Variants in SRGAP1 observed in about 807,000 individuals in gnomAD.
SRGAP1 encodes the protein SLIT-ROBO Rho GTPase-activating protein 1.
A neutral mutation model predicts 121.9 loss-of-function variants in SRGAP1; 43 were observed. That is an observed-to-expected ratio of 0.35 (90% confidence interval 0.28 to 0.46). SRGAP1 has a LOEUF of 0.46. Ranked by LOEUF, SRGAP1 falls within the 20% of genes least tolerant of loss-of-function variation. SRGAP1 has a pLI of 1.00. For missense variants in SRGAP1, 1,102 were observed against 1,350.9 expected, an observed-to-expected ratio of 0.82 and a Z score of 2.89; for synonymous variants, 447 against 485.4, an observed-to-expected ratio of 0.92 and a Z score of 1.04.
rs780563785 is a variant in SRGAP1 at position 63,851,528 on chromosome 12, T to G, written c.67+6645T>G. ...TGTGTGATCTCTAAGAGTCAATTTC[T>G]TCATCTGTAAAATAGGGATAATAGT... is the stretch of plus-strand genomic sequence containing the variant. On this transcript the variant is annotated intron_variant, in intron 1 of 21. Transcript: ENST00000355086. Among the ~76,000 whole-genome samples the G allele has an allele frequency of 2.0e-5, 3 of 152,230 alleles. No homozygotes were observed. In the East Asian group the frequency reaches 5.8e-4, roughly 29 times the overall value.
At chr12:64,123,083 G>A (rs2036628520) in intron 18 of SRGAP1, among the ~76,000 whole-genome samples, 1 of 152,224 alleles carries the variant, frequency 6.6e-6, no homozygotes, top group Non-Finnish European at 1.5e-5. Flanking sequence ...ATAAGTATAT[G>A]TAGACTGTAT....
chr12:64,042,774 G>C lies in SRGAP1; in HGVS notation c.490-16G>C. On this transcript the variant is annotated splice_polypyrimidine_tract_variant and intron_variant, in intron 4 of 21. Transcript: ENST00000355086. ...CAGACAGACATCTTGTAACAATTTGGGTCACTTTTCCACAGGTGATGAAAA... is the reference window on the plus strand; with the variant it reads ...CAGACAGACATCTTGTAACAATTTGCGTCACTTTTCCACAGGTGATGAAAA... The C allele has an allele frequency of 6.2e-7, 1 of 1,605,196 alleles. No homozygotes were observed. Among genetic ancestry groups the C allele is most frequent in the Non-Finnish European group, 8.5e-7 (1 of 1,173,616 alleles).
intron 1 of SRGAP1, among the ~76,000 whole-genome samples, chr12:63,871,190 A>T (rs1899841766): frequency 1.3e-5 from 2 of 152,212 alleles, no homozygotes; most frequent in African/African-American, 4.8e-5. Flanking sequence ...TTTCCCAAAG[A>T]TCTTTTACCT....
At chr12:63,889,246 AT>A (rs1371933344) in intron 1 of SRGAP1, among the ~76,000 whole-genome samples, 2 of 152,166 alleles carry the variant, frequency 1.3e-5, no homozygotes, top group Non-Finnish European at 2.9e-5. Context: ...CGAGTGAGTG[AT>A]TGGGTGACAG....
At chr12:64,046,630 T>G (rs2035135763) in intron 6 of SRGAP1, among the ~76,000 whole-genome samples, 1 of 152,076 alleles carries the variant, frequency 6.6e-6, no homozygotes, top group South Asian at 2.1e-4. Context: ...GATAATGCCA[T>G]CTACTGAGAT....
intron 15 of SRGAP1, 92 bp downstream of exon 15, chr12:64,097,467 A>T (rs1455496614): frequency 1.7e-6 from 2 of 1,163,306 alleles, no homozygotes; most frequent in Admixed American, 3.3e-5. Flanking sequence ...ATACACCCCC[A>T]CCCCCATTAC....
intron 19 of SRGAP1, among the ~76,000 whole-genome samples, chr12:64,127,202 G>T (rs1190430161): frequency 6.6e-6 from 1 of 152,138 alleles, no homozygotes; most frequent in Non-Finnish European, 1.5e-5. Context: ...TTCTCAGAAC[G>T]TATCCTCGCC....
At chr12:63,874,599 C>T (rs191372054) in intron 1 of SRGAP1, among the ~76,000 whole-genome samples, 134 of 152,044 alleles carry the variant, frequency 8.8e-4, no homozygotes, top group African/African-American at 3.0e-3. Context: ...CAGTATATAC[C>T]GGAATATATT....
intron 4 of SRGAP1, among the ~76,000 whole-genome samples, chr12:64,027,965 A>C (rs181316304): frequency 2.0e-5 from 3 of 152,340 alleles, no homozygotes; most frequent in African/African-American, 4.8e-5. Flanking sequence ...TAAATATTTC[A>C]TATATTAAAC....
chr12:63,917,827 C>T (rs1446219919), intron 1 of SRGAP1, among the ~76,000 whole-genome samples: 1 of 151,974 alleles, frequency 6.6e-6, no homozygotes, highest in African/African-American at 2.4e-5. Context: ...CACCAATTTC[C>T]CACGCTAGCT....
At chr12:63,871,837 G>A in intron 1 of SRGAP1, 1 of 1,425,472 alleles carries the variant, frequency 7.0e-7, no homozygotes, top group Admixed American at 1.7e-5. Flanking sequence ...CTGCAGTTAG[G>A]CTCAACACAT....
At chr12:63,962,412 A>G (rs2032668819) in intron 1 of SRGAP1, among the ~76,000 whole-genome samples, 1 of 152,090 alleles carries the variant, frequency 6.6e-6, no homozygotes, top group East Asian at 1.9e-4. Flanking sequence ...GGGAGTGAGA[A>G]ACATTCTTTT....
At chr12:64,138,655 A>T (rs1288075136) in intron 21 of SRGAP1, among the ~76,000 whole-genome samples, 3 of 151,516 alleles carry the variant, frequency 2.0e-5, no homozygotes, top group Admixed American at 6.6e-5. Flanking sequence ...ATTTTGAAAA[A>T]ATATATATAA....
rs1304200766 is a variant in SRGAP1, at chr12:64,153,690, C to T, written c.*11018C>T. On this transcript the variant is annotated 3_prime_UTR_variant, in exon 22 of 22. Transcript: ENST00000355086. ...GGCCAGGGTGTAGAGAAACTGACAC[C>T]CTTGTGCACTGTTGGTGGGAATGTA... is the stretch of plus-strand genomic sequence containing the variant. 1 of 151,986 alleles carries T rather than the reference C, an allele frequency of 6.6e-6. No homozygotes were observed. Among genetic ancestry groups the T allele is most frequent in the African/African-American group, 2.4e-5 (1 of 41,370 alleles). 9.4% of individuals were successfully genotyped at this position (151,986 alleles called of 1,614,324 possible).
In SRGAP1 at chr12:64,091,357, G is replaced by T; in HGVS notation, c.1518G>T (p.Gly506=). 1 of 1,606,272 alleles carries T rather than the reference G, an allele frequency of 6.2e-7. No individual in the cohort carries two copies. Among genetic ancestry groups the T allele is most frequent in the Non-Finnish European group, 8.5e-7 (1 of 1,175,328 alleles). Residue 506 remains glycine, a synonymous_variant, in exon 12 of 22, where the codon GGG becomes GGT. Coordinates refer to ENST00000355086, the MANE Select transcript of SRGAP1 (RefSeq NM_020762.4). ...AGTATAATACTAAGTTGTTTAATGG[G>T]GATTTGGAAACATTCGTCAAGGTAC... ...RSQYNTKLFN[G]DLETFVKDSG...
At chr12:63,862,516 A>G (rs1899490276) in intron 1 of SRGAP1, among the ~76,000 whole-genome samples, 2 of 152,216 alleles carry the variant, frequency 1.3e-5, no homozygotes, top group Non-Finnish European at 2.9e-5. Flanking sequence ...GGCTTATGCA[A>G]ACAGCTCCTT....
intron 8 of SRGAP1, among the ~76,000 whole-genome samples, chr12:64,075,510 T>G (rs370062148): frequency 1.3e-5 from 2 of 152,338 alleles, no homozygotes; most frequent in African/African-American, 4.8e-5. Context: ...TTTGGGGGGC[T>G]TGTTCCCAAC....
At chr12:63,881,609 A>C (rs1193792342) in intron 1 of SRGAP1, among the ~76,000 whole-genome samples, 1 of 152,226 alleles carries the variant, frequency 6.6e-6, no homozygotes, top group Non-Finnish European at 1.5e-5. Context: ...TGTGCAGCTT[A>C]AATATGATAA....
intron 4 of SRGAP1, among the ~76,000 whole-genome samples, chr12:64,033,883 A>G (rs552066878): frequency 1.3e-5 from 2 of 150,552 alleles, no homozygotes; most frequent in Admixed American, 6.6e-5. Flanking sequence ...AGCCACTCAC[A>G]GTGGCAGGCG....
Sources: allele counts gnomAD v4.1 joint callset (sites outside exome capture counted in the v4.1 genomes callset), GRCh38; gene constraint gnomAD v4.1.1; transcripts MANE v1.5; gene names NCBI Gene and HGNC (gene_info 2026-07-23, HGNC 2026-07-21).